TMOD1: variants seen among roughly 807,000 people sequenced by gnomAD.
TMOD1 encodes tropomodulin 1, also known as tropomodulin-1.
In TMOD1, 17 loss-of-function variants were observed where a neutral mutation model predicts 40.6. That is an observed-to-expected ratio of 0.42 (90% CI 0.29 to 0.63). The LOEUF is 0.63. Ranked by LOEUF, TMOD1 falls within the 20% of genes least tolerant of loss-of-function variation. The pLI, the probability that TMOD1 is intolerant of heterozygous loss-of-function variation, is 0.22. For missense variants in TMOD1, 391 were observed against 447.6 expected, an observed-to-expected ratio of 0.87 and a Z score of 1.14; for synonymous variants, 181 against 175.0, an observed-to-expected ratio of 1.03 and a Z score of -0.27.
In TMOD1 at chr9:97,601,214, C is replaced by A; in HGVS notation, c.*1516C>A. 1 of 1,283,938 alleles carries A rather than the reference C, an allele frequency of 7.8e-7. No homozygotes were observed. The highest frequency in any genetic ancestry group is 1.3e-5 in the South Asian group (1 of 77,796). The allele number at this position is 1,283,938 out of a possible 1,614,324, so 79.5% of individuals were successfully genotyped here. A position where few individuals can be genotyped will look rare whatever the true frequency, so the allele number is the denominator to read the frequency against. ...ACAATTGCAGCTGCATTCTGCATCG[C>A]TGAAAACTGCAATATAATATTAAAT... On this transcript the variant is annotated 3_prime_UTR_variant, in exon 10 of 10. Transcript: ENST00000259365.
At chr9:97,559,758 C>A (rs1244610500) in intron 4 of TMOD1, among the ~76,000 whole-genome samples, 2 of 117,468 alleles carry the variant, frequency 1.7e-5, no homozygotes, top group African/African-American at 3.4e-5. Context: ...GAGCGAGACT[C>A]CGCCTCAAAA....
At position 97,511,784 on chromosome 9, in the gene TMOD1, C is replaced by T. The variant is rs574830168; in HGVS notation, c.-49+9981C>T. Among the ~76,000 whole-genome samples, 5 of 152,194 alleles carry T rather than the reference C, an allele frequency of 3.3e-5. 1 individual carries two copies. The East Asian group carries it at 5.8e-4, about 18-fold the overall frequency. Reference sequence around the variant, plus strand: ...ATTGTTTGTAGAGACAAGGTCTCACCGTGTTGCCCAGGCTGGTTTCAAACT... The same window carrying T: ...ATTGTTTGTAGAGACAAGGTCTCACTGTGTTGCCCAGGCTGGTTTCAAACT... On this transcript the variant is annotated intron_variant, in intron 1 of 9. Coordinates refer to ENST00000259365, the MANE Select transcript of TMOD1 (RefSeq NM_003275.4).
rs1255915020 is a variant in TMOD1, at chr9:97,594,531, C to T, written c.1015+3096C>T. Reference sequence around the variant, plus strand: ...GAAGGGAGCAGGCCTCTCAGGCCTCCTGCTCATTCTCACCTGCCTCTGCTG... The same window carrying T: ...GAAGGGAGCAGGCCTCTCAGGCCTCTTGCTCATTCTCACCTGCCTCTGCTG... On this transcript the variant is annotated intron_variant, in intron 9 of 9. Coordinates refer to ENST00000259365, the MANE Select transcript of TMOD1 (RefSeq NM_003275.4). 2.0e-5 allele frequency among the ~76,000 whole-genome samples: 3 copies of T among 152,314 alleles called. No individual in the cohort carries two copies. The East Asian group carries it at 5.8e-4, about 29-fold the overall frequency.
At chr9:97,524,716 A>G (rs1829978506) in intron 2 of TMOD1, among the ~76,000 whole-genome samples, 1 of 152,130 alleles carries the variant, frequency 6.6e-6, no homozygotes, top group Non-Finnish European at 1.5e-5. Flanking sequence ...GGTCTGGGAA[A>G]AGATGTTTTA....
At chr9:97,548,231 A>C (rs899475678) in intron 3 of TMOD1, among the ~76,000 whole-genome samples, 15 of 152,036 alleles carry the variant, frequency 9.9e-5, no homozygotes, top group African/African-American at 3.6e-4. Context: ...CCTGTATCGC[A>C]GTTGTATTTG....
intron 1 of TMOD1, among the ~76,000 whole-genome samples, chr9:97,509,417 G>T (rs1019551013): frequency 1.3e-5 from 2 of 151,410 alleles, no homozygotes; most frequent in Middle Eastern, 3.2e-3. Flanking sequence ...GTAGTCTGTT[G>T]TATGTCTCTA....
intron 3 of TMOD1, among the ~76,000 whole-genome samples, chr9:97,552,988 T>A (rs950687546): frequency 2.6e-5 from 4 of 152,368 alleles, no homozygotes; most frequent in Admixed American, 2.6e-4. Flanking sequence ...TATATTTTTC[T>A]TTCATATTTT....
At chr9:97,526,154 A>G (rs112840301) in intron 2 of TMOD1, among the ~76,000 whole-genome samples, 1 of 152,252 alleles carries the variant, frequency 6.6e-6, no homozygotes, top group African/African-American at 2.4e-5. Context: ...ACCCCGTTAT[A>G]TCGAGCCAGC....
At chr9:97,591,203 G>GT in intron 8 of TMOD1, 88 bp from the exon 9 acceptor site, 4 of 1,384,884 alleles carry the variant, frequency 2.9e-6, no homozygotes, top group Non-Finnish European at 3.9e-6. Context: ...CTACTCAAGA[G>GT]TTTCTGCAGG....
rs1383501996 is a variant in TMOD1, at chr9:97,573,548, C to T, written c.870+4511C>T. 2.0e-5 allele frequency among the ~76,000 whole-genome samples: 3 copies of T among 152,182 alleles called. No homozygotes were observed. The East Asian group carries it at 5.8e-4, about 29-fold the overall frequency. ...ATAGCAACTTAAACAGCCTCAGAAT[C>T]CTGGCATAAAACAATAAACATGTAT... On this transcript the variant is annotated intron_variant, in intron 8 of 9. Transcript: ENST00000259365.
chr9:97,526,625 A>G (rs1339571890), intron 2 of TMOD1, among the ~76,000 whole-genome samples: 2 of 152,196 alleles, frequency 1.3e-5, no homozygotes, highest in Admixed American at 1.3e-4. Flanking sequence ...ATCCATAAAG[A>G]AAACAACACT....
chr9:97,531,980 A>G (rs1564234343), intron 2 of TMOD1, among the ~76,000 whole-genome samples: 2 of 152,092 alleles, frequency 1.3e-5, no homozygotes, highest in Non-Finnish European at 2.9e-5. Context: ...GTCACTCCAC[A>G]TGGCTTCCCA....
rs756726609 is a variant in TMOD1 at position 97,561,603 on chromosome 9, C to T, written c.398-1129C>T. Reference sequence around the variant, plus strand: ...CAGTGAGAGGGGTGGTGTTGCCATGCGTCTGATTATTACCGCCACACATCC... The same window carrying T: ...CAGTGAGAGGGGTGGTGTTGCCATGTGTCTGATTATTACCGCCACACATCC... On this transcript the variant is annotated intron_variant, in intron 4 of 9. Coordinates refer to ENST00000259365, the MANE Select transcript of TMOD1 (RefSeq NM_003275.4). Among the ~76,000 whole-genome samples the T allele has an allele frequency of 7.2e-5, 11 of 152,300 alleles. No homozygotes were observed. In the South Asian group the frequency reaches 8.3e-4, roughly 11 times the overall value.
chr9:97,599,389 T>C (rs1407451995), intron 9 of TMOD1, among the ~76,000 whole-genome samples: 1 of 152,228 alleles, frequency 6.6e-6, no homozygotes, highest in Non-Finnish European at 1.5e-5. Context: ...AACGTGGGAC[T>C]GTGTGGTCAG....
chr9:97,589,070 T>C (rs1322185727), intron 8 of TMOD1, among the ~76,000 whole-genome samples: 1 of 146,714 alleles, frequency 6.8e-6, no homozygotes, highest in Non-Finnish European at 1.5e-5. Context: ...TGAGCCAAGA[T>C]TGCACCACTG....
At chr9:97,566,950 G>A (rs1346200384) in intron 7 of TMOD1, among the ~76,000 whole-genome samples, 1 of 152,140 alleles carries the variant, frequency 6.6e-6, no homozygotes, top group Non-Finnish European at 1.5e-5. Flanking sequence ...TGGCCAAGCA[G>A]ACAACTAAAG....
intron 2 of TMOD1, among the ~76,000 whole-genome samples, chr9:97,539,443 A>G (rs1182095562): frequency 6.6e-6 from 1 of 152,204 alleles, no homozygotes; most frequent in Non-Finnish European, 1.5e-5. Context: ...GGTAAATCAC[A>G]TTGTAAAACA....
intron 4 of TMOD1, chr9:97,555,337 A>G (rs1830519736): frequency 8.4e-7 from 1 of 1,192,790 alleles, no homozygotes; most frequent in East Asian, 5.3e-5. Context: ...GGCTGTTTTT[A>G]CCCTGGACTT....
chr9:97,537,906 A>G (rs894722084), intron 2 of TMOD1, among the ~76,000 whole-genome samples: 1 of 152,226 alleles, frequency 6.6e-6, no homozygotes, highest in Non-Finnish European at 1.5e-5. Context: ...GGAACCTTAG[A>G]TCAGATGTGG....
Sources: gnomAD v4.1 joint callset for allele counts (sites outside exome capture counted in the v4.1 genomes callset) on GRCh38, gnomAD v4.1.1 for gene constraint, MANE v1.5 for transcripts, NCBI Gene and HGNC (gene_info 2026-07-23, HGNC 2026-07-21) for gene names.